The following CTNND2 variants were observed in gnomAD, a reference collection of about 807,000 sequenced individuals.
CTNND2 encodes catenin delta-2.
CTNND2 carries 22 observed loss-of-function variants against 144.4 expected under a neutral mutation model. That is an observed-to-expected ratio of 0.15 (90% CI 0.11 to 0.22). The LOEUF (loss-of-function observed/expected upper bound fraction) is 0.22, where lower values mean the gene tolerates loss of function less well. Ranked by LOEUF, CTNND2 falls within the 10% of genes least tolerant of loss-of-function variation. The pLI is 1.00. For missense variants in CTNND2, 1,353 were observed against 1,618.8 expected, an observed-to-expected ratio of 0.84 and a Z score of 2.82; for synonymous variants, 751 against 695.6, an observed-to-expected ratio of 1.08 and a Z score of -1.25.
chr5:11,078,328 A>G (rs1341104652), intron 16 of CTNND2, among the ~76,000 whole-genome samples: 2 of 152,238 alleles, frequency 1.3e-5, no homozygotes, highest in Non-Finnish European at 2.9e-5. Flanking sequence ...TCTCTCTTAA[A>G]TACAATCCAA....
chr5:11,503,838 A>G (rs1488373043), intron 3 of CTNND2, among the ~76,000 whole-genome samples: 1 of 152,238 alleles, frequency 6.6e-6, no homozygotes, highest in African/African-American at 2.4e-5. Context: ...TGTTATAAAG[A>G]AGAAGATGTA....
chr5:11,197,255 G>A (rs1736952647), intron 11 of CTNND2, among the ~76,000 whole-genome samples: 1 of 152,200 alleles, frequency 6.6e-6, no homozygotes, highest in South Asian at 2.1e-4. Context: ...TGAGAAAGGT[G>A]AAACTGATGG....
intron 8 of CTNND2, among the ~76,000 whole-genome samples, chr5:11,348,086 AC>A (rs1236229809): frequency 2.6e-5 from 4 of 152,216 alleles, no homozygotes; most frequent in Non-Finnish European, 4.4e-5. Context: ...AACTTTATAA[AC>A]AAAAAGTGCA....
At chr5:11,092,898 A>G (rs1443984222) in intron 15 of CTNND2, among the ~76,000 whole-genome samples, 1 of 152,210 alleles carries the variant, frequency 6.6e-6, no homozygotes, top group African/African-American at 2.4e-5. Context: ...TACATGATAC[A>G]CTACCTACTA....
intron 9 of CTNND2, among the ~76,000 whole-genome samples, chr5:11,279,863 C>A (rs994349159): frequency 6.6e-6 from 1 of 152,084 alleles, no homozygotes; most frequent in African/African-American, 2.4e-5. Flanking sequence ...TTTTAAATGT[C>A]CAGATCTTGC....
rs144191731 is a variant in CTNND2 at position 11,807,277 on chromosome 5, T to C, written c.38-75005A>G. 2.0e-3 allele frequency among the ~76,000 whole-genome samples: 309 copies of C among 152,310 alleles called. 6 individuals are homozygous for C. The East Asian group carries it at 0.049, about 24-fold the overall frequency. ...CCCATATCTCTAAATATTAGACTTA[T>C]ATAAAGAATGCTTGTTGTGTCCAAT... On this transcript the variant is annotated intron_variant, in intron 1 of 21. Coordinates refer to ENST00000304623, the MANE Select transcript of CTNND2 (RefSeq NM_001332.4).
At chr5:11,285,322 T>C (rs2150004671) in intron 9 of CTNND2, among the ~76,000 whole-genome samples, 1 of 152,294 alleles carries the variant, frequency 6.6e-6, no homozygotes, top group Admixed American at 6.5e-5. Context: ...AGTTCTATAG[T>C]GAAATCTCTC....
intron 1 of CTNND2, among the ~76,000 whole-genome samples, chr5:11,864,593 G>A (rs901786897): frequency 2.4e-4 from 36 of 152,142 alleles, no homozygotes; most frequent in Non-Finnish European, 4.7e-4. Context: ...CTACCTGTCT[G>A]GTGTAAGGCA....
intron 6 of CTNND2, among the ~76,000 whole-genome samples, chr5:11,395,254 T>C (rs1218390142): frequency 6.6e-6 from 1 of 152,222 alleles, no homozygotes; most frequent in Non-Finnish European, 1.5e-5. Flanking sequence ...CTACAGAATA[T>C]TCAATAAGCA....
At chr5:11,268,074 G>A (rs544017999) in intron 9 of CTNND2, among the ~76,000 whole-genome samples, 2 of 152,230 alleles carry the variant, frequency 1.3e-5, no homozygotes, top group African/African-American at 4.8e-5. Flanking sequence ...TGGTTGAAGA[G>A]ACCTTGAAAG....
chr5:11,614,527 T>C (rs1035210443), intron 2 of CTNND2, among the ~76,000 whole-genome samples: 1 of 152,228 alleles, frequency 6.6e-6, no homozygotes, highest in South Asian at 2.1e-4. Context: ...ATTTTAACTC[T>C]TGGGCGTTTA....
chr5:11,557,122 C>G (rs17839168), intron 3 of CTNND2, among the ~76,000 whole-genome samples: 19,736 of 152,102 alleles, frequency 0.13, 1,580 homozygotes, highest in East Asian at 0.23. Context: ...CTCTCAAAAA[C>G]TTTAATAATT....
chr5:11,268,812 C>G (rs936987470), intron 9 of CTNND2, among the ~76,000 whole-genome samples: 1 of 151,998 alleles, frequency 6.6e-6, no homozygotes, highest in Non-Finnish European at 1.5e-5. Flanking sequence ...TTCAAAATTA[C>G]GGGTAATTTT....
intron 1 of CTNND2, among the ~76,000 whole-genome samples, chr5:11,878,873 C>T (rs2127066996): frequency 6.6e-6 from 1 of 152,302 alleles, no homozygotes; most frequent in Admixed American, 6.5e-5. Context: ...GGAGATGGGG[C>T]CTCATGGGAG....
intron 12 of CTNND2, among the ~76,000 whole-genome samples, chr5:11,124,444 G>A (rs1469218448): frequency 1.3e-5 from 2 of 152,128 alleles, no homozygotes; most frequent in African/African-American, 2.4e-5. Flanking sequence ...TACTTTTCTC[G>A]ATTCCACGAA....
chr5:11,270,280 T>C (rs1745864597), intron 9 of CTNND2, among the ~76,000 whole-genome samples: 1 of 152,090 alleles, frequency 6.6e-6, no homozygotes, highest in Non-Finnish European at 1.5e-5. Flanking sequence ...ATATAATATA[T>C]GTATAGTTAT....
chr5:11,602,761 T>C (rs571313526), intron 2 of CTNND2, among the ~76,000 whole-genome samples: 1 of 145,376 alleles, frequency 6.9e-6, no homozygotes, highest in South Asian at 2.1e-4. Flanking sequence ...ATAGATATAT[T>C]ATTAATAGAT....
chr5:11,078,226 C>G (rs1350108390), intron 16 of CTNND2, among the ~76,000 whole-genome samples: 1 of 152,200 alleles, frequency 6.6e-6, no homozygotes, highest in Non-Finnish European at 1.5e-5. Flanking sequence ...CTGCAGCTTT[C>G]TTCTGTGTAT....
intron 10 of CTNND2, among the ~76,000 whole-genome samples, chr5:11,236,142 G>A (rs10214343): frequency 0.24 from 36,439 of 152,102 alleles, 4,534 homozygotes; most frequent in Middle Eastern, 0.33. Context: ...TGATGGACAT[G>A]GACAATAGTC....
Sources: gnomAD v4.1 joint callset for allele counts (sites outside exome capture counted in the v4.1 genomes callset) on GRCh38, gnomAD v4.1.1 for gene constraint, MANE v1.5 for transcripts, NCBI Gene and HGNC (gene_info 2026-07-23, HGNC 2026-07-21) for gene names.